Variants in ZFYVE26 observed in about 807,000 individuals in gnomAD.
ZFYVE26 encodes zinc finger FYVE-type containing 26.
In ZFYVE26, 181 loss-of-function variants were observed where a neutral mutation model predicts 276.5. The observed-to-expected ratio is 0.65, with a 90% CI of 0.58 to 0.74. The LOEUF is 0.74. Among genes scored for constraint, ZFYVE26 ranks in the 30% least tolerant of loss-of-function variants. ZFYVE26 has a pLI of 0.00. For missense variants in ZFYVE26, 2,821 were observed against 3,097.9 expected (o/e 0.91, Z 2.12); for synonymous variants, 1,129 against 1,203.1 (o/e 0.94, Z 1.27).
In ZFYVE26 at chr14:67,802,297, G is replaced by GA. The variant is rs2040094141; in HGVS notation, c.1436-16dup. ...ATCAACTGCATCTGAATTACAAAGAGAAACAGGCTGAACTTGAGAGTTAAT... is the reference window on the plus strand; with the variant it reads ...ATCAACTGCATCTGAATTACAAAGAGAAAACAGGCTGAACTTGAGAGTTAAT... On this transcript the variant is annotated splice_polypyrimidine_tract_variant and intron_variant, in intron 9 of 41. Coordinates refer to ENST00000347230, the MANE Select transcript of ZFYVE26 (RefSeq NM_015346.4). The GA allele has an allele frequency of 6.2e-7, 1 of 1,613,346 alleles. No homozygotes were observed. Among genetic ancestry groups the GA allele is most frequent in the Non-Finnish European group, 8.5e-7 (1 of 1,179,506 alleles).
intron 38 of ZFYVE26, 111 bp downstream of exon 38, chr14:67,753,960 G>C: frequency 5.7e-6 from 9 of 1,570,980 alleles, no homozygotes; most frequent in Middle Eastern, 1.7e-4. Flanking sequence ...TATTCTAGTG[G>C]GGAGGCAGCC....
rs757059610 is a variant in ZFYVE26 at position 67,782,851 on chromosome 14, T to G, written c.4301A>C (p.Glu1434Ala). The G allele has an allele frequency of 1.3e-5, 21 of 1,614,190 alleles. No homozygotes were observed. The highest frequency in any genetic ancestry group is 3.3e-5 in the Admixed American group (2 of 60,024). The change falls in exon 21 of 42, where the codon GAA (glutamate) becomes GCA (alanine). Residue 1434 changes from glutamate (E) to alanine (A), a missense_variant. By Grantham distance (107) the Glu-to-Ala change is moderately radical. Coordinates refer to ENST00000347230, the MANE Select transcript of ZFYVE26 (RefSeq NM_015346.4). Reference protein sequence around the residue: ...RDWSRALQLTEVYGRDVDDLS... With the variant: ...RDWSRALQLTAVYGRDVDDLS... ...ATCGTCCACATCTCGCCCGTACACT[T>G]CAGTGAGCTGAAGGGCCCGGGACCA...
chr14:67,803,547 T>G (rs1434507103), intron 9 of ZFYVE26, among the ~76,000 whole-genome samples: 1 of 152,116 alleles, frequency 6.6e-6, no homozygotes, highest in East Asian at 1.9e-4. Context: ...TTCACCATGT[T>G]GGCCAGGCTG....
chr14:67,776,101 C>A lies in ZFYVE26; in HGVS notation c.4980G>T (p.Leu1660=). The change falls in exon 26 of 42, where the codon CTG becomes CTT. Residue 1660 remains leucine, a synonymous_variant. Transcript: ENST00000347230. ...CCCGGTGCTGCTCAGGCAGGGTCAG[C>A]AGAATCTGTTTGTGGGGTAGATCCA... ...IQALYVGSKI[L]LTLPEQHRAS... 6.2e-7 allele frequency: 1 copy of A among 1,614,130 alleles called. No homozygotes were observed.
chr14:67,777,942 G>A (rs186031379), intron 24 of ZFYVE26, among the ~76,000 whole-genome samples, 184 bp downstream of exon 24: 7 of 151,670 alleles, frequency 4.6e-5, no homozygotes, highest in South Asian at 2.1e-4. Flanking sequence ...GGACCCAGCC[G>A]CCCCATCTGG....
chr14:67,799,344 A>G, intron 10 of ZFYVE26: 1 of 1,611,480 alleles, frequency 6.2e-7, no homozygotes, highest in Admixed American at 1.7e-5. Context: ...AGAGCGGTGC[A>G]ATCCTATAAG....
intron 19 of ZFYVE26, 107 bp from the exon 20 acceptor site, chr14:67,784,543 A>G (rs1052974551): frequency 1.0e-6 from 1 of 957,816 alleles, no homozygotes; most frequent in African/African-American, 1.6e-5. Flanking sequence ...TGAAGACAAT[A>G]TGGAGAGCCT....
chr14:67,810,270 T>A (rs1335169831), intron 3 of ZFYVE26, among the ~76,000 whole-genome samples: 1 of 152,172 alleles, frequency 6.6e-6, no homozygotes, highest in African/African-American at 2.4e-5. Context: ...CAGTTGTGGG[T>A]AAGCCTGGGA....
At chr14:67,814,504 G>A (rs1360556698) in intron 2 of ZFYVE26, among the ~76,000 whole-genome samples, 3 of 150,480 alleles carry the variant, frequency 2.0e-5, no homozygotes, top group African/African-American at 2.5e-5. Flanking sequence ...GGGTGACAGA[G>A]CAAGACTCTG....
chr14:67,776,091 G>A lies in ZFYVE26; in HGVS notation c.4990C>T (p.Pro1664Ser), dbSNP rs752759035. The change falls in exon 26 of 42, where the codon CCT (proline) becomes TCT (serine). Residue 1664 changes from proline to serine, a missense_variant. Physicochemically the swap from Pro to Ser is moderately conservative, Grantham distance 74 (BLOSUM62 -1). Coordinates refer to ENST00000347230, the MANE Select transcript of ZFYVE26 (RefSeq NM_015346.4). ...GAATAGCTGGCCCGGTGCTGCTCAGGCAGGGTCAGCAGAATCTGTTTGTGG... is the reference window on the plus strand; with the variant it reads ...GAATAGCTGGCCCGGTGCTGCTCAGACAGGGTCAGCAGAATCTGTTTGTGG... ...YVGSKILLTL[P>S]EQHRASYSHL... is the part of the protein sequence containing the mutation. 8 of 1,614,190 alleles carry A rather than the reference G, an allele frequency of 5.0e-6. No homozygotes were observed. In the South Asian group the frequency reaches 8.8e-5, roughly 18 times the overall value.
At position 67,748,262 on chromosome 14, in the gene ZFYVE26, G is replaced by C. The variant is rs985872569; in HGVS notation, c.*174C>G. ...ACAATTTTAGAGAAACATGGCACTT[G>C]CGTGAAAGGTCCTATCCTTGCCCGG... is the stretch of plus-strand genomic sequence containing the variant. On this transcript the variant is annotated 3_prime_UTR_variant, in exon 42 of 42. Coordinates refer to ENST00000347230, the MANE Select transcript of ZFYVE26 (RefSeq NM_015346.4). The C allele has an allele frequency of 7.5e-6, 5 of 669,900 alleles. No individual in the cohort carries two copies. The African/African-American group carries it at 9.1e-5, about 12-fold the overall frequency. The allele number at this position is 669,900 out of a possible 1,614,324, so 41.5% of individuals were successfully genotyped here.
intron 12 of ZFYVE26, among the ~76,000 whole-genome samples, chr14:67,795,679 T>A (rs931034041): frequency 6.6e-6 from 1 of 152,202 alleles, no homozygotes; most frequent in African/African-American, 2.4e-5. Context: ...GAAAACTTGA[T>A]TCTCTAAAAA....
At chr14:67,798,925 T>C (rs1420027470) in intron 10 of ZFYVE26, 4 of 1,056,754 alleles carry the variant, frequency 3.8e-6, no homozygotes, top group African/African-American at 1.5e-5. Flanking sequence ...TGAGCTCCGC[T>C]TGGCGCCTCT....
rs771039888 is a variant in ZFYVE26 at position 67,783,287 on chromosome 14, A to C, written c.3865T>G (p.Tyr1289Asp). ...TENPTLERKP[Y>D]SSPRDSSLPA... The stretch of plus-strand genomic sequence containing the variant: ...AGTGATGAGTCCCTTGGGGAGGAGT[A>C]GGGCTTTCTTTCCAATGTAGGGTTC... Residue 1289 changes from tyrosine to aspartate, a missense_variant, in exon 21 of 42, where the codon TAC (tyrosine) becomes GAC (aspartate). Coordinates refer to ENST00000347230, the MANE Select transcript of ZFYVE26 (RefSeq NM_015346.4). 1 of 1,613,488 alleles carries C rather than the reference A, an allele frequency of 6.2e-7. No individual in the cohort carries two copies. Among genetic ancestry groups the C allele is most frequent in the East Asian group, 2.2e-5 (1 of 44,840 alleles).
intron 2 of ZFYVE26, among the ~76,000 whole-genome samples, chr14:67,814,689 C>T (rs899934157): frequency 6.6e-6 from 1 of 152,090 alleles, no homozygotes; most frequent in Non-Finnish European, 1.5e-5. Flanking sequence ...ATTTTTAATA[C>T]AGAAAGTGAA....
At chr14:67,780,150 AT>A in intron 23 of ZFYVE26, 90 bp downstream of exon 23, 1 of 1,198,340 alleles carries the variant, frequency 8.3e-7, no homozygotes, top group Non-Finnish European at 1.2e-6. Context: ...AAAAGTGAAC[AT>A]TGATATGCAG....
chr14:67,784,552 C>A, intron 19 of ZFYVE26, 116 bp from the exon 20 acceptor site: 1 of 905,576 alleles, frequency 1.1e-6, no homozygotes, highest in Admixed American at 1.8e-5. Flanking sequence ...TATGGAGAGC[C>A]TTCTGTTAAT....
intron 13 of ZFYVE26, among the ~76,000 whole-genome samples, chr14:67,738,352 TA>T (rs2038375305): frequency 6.9e-6 from 1 of 145,126 alleles, no homozygotes; most frequent in Non-Finnish European, 1.5e-5. Flanking sequence ...TATACTTATA[TA>T]TACTAATATA....
chr14:67,740,341 A>G (rs917266594), intron 13 of ZFYVE26, among the ~76,000 whole-genome samples: 1 of 151,288 alleles, frequency 6.6e-6, no homozygotes, highest in Non-Finnish European at 1.5e-5. Context: ...AATGCAAAAA[A>G]AATTATTTAA....
Sources: allele counts gnomAD v4.1 joint callset (sites outside exome capture counted in the v4.1 genomes callset), GRCh38; gene constraint gnomAD v4.1.1; transcripts MANE v1.5; gene names NCBI Gene and HGNC (gene_info 2026-07-23, HGNC 2026-07-21).